Variants in ZSCAN21 observed in about 807,000 individuals in gnomAD.
ZSCAN21 encodes zinc finger and SCAN domain-containing protein 21.
A neutral mutation model predicts 35.6 loss-of-function variants in ZSCAN21; 26 were observed. That is an observed-to-expected ratio of 0.73 (90% confidence interval 0.54 to 1.01). The LOEUF is 1.01. ZSCAN21 is among the 50% of genes least tolerant of loss of function. The pLI, the probability that ZSCAN21 is intolerant of heterozygous loss-of-function variation, is 0.00. For missense variants in ZSCAN21, 593 were observed against 587.1 expected, an observed-to-expected ratio of 1.01 and a Z score of -0.10; for synonymous variants, 219 against 219.3, an observed-to-expected ratio of 1.00 and a Z score of 0.01.
chr7:100,061,537 T>G (rs1792289400), intron 3 of ZSCAN21, among the ~76,000 whole-genome samples: 4 of 152,072 alleles, frequency 2.6e-5, no homozygotes, highest in Admixed American at 2.0e-4. Context: ...AAAACAAAGT[T>G]TATGAGGTTA....
At chr7:100,062,281 CTTTTT>C (rs921079005) in intron 3 of ZSCAN21, among the ~76,000 whole-genome samples, 7 of 96,646 alleles carry the variant, frequency 7.2e-5, no homozygotes, top group Non-Finnish European at 1.5e-4. Flanking sequence ...CTCAACTGTT[CTTTTT>C]TTTTTTTTTT....
At chr7:100,060,275 T>C (rs1792233119) in intron 3 of ZSCAN21, among the ~76,000 whole-genome samples, 2 of 150,988 alleles carry the variant, frequency 1.3e-5, no homozygotes, top group African/African-American at 2.4e-5. Context: ...GCGGAAAGAG[T>C]TGGAGAGGGC....
At chr7:100,054,108 A>C (rs1453612107) in intron 1 of ZSCAN21, among the ~76,000 whole-genome samples, 2 of 151,998 alleles carry the variant, frequency 1.3e-5, no homozygotes, top group African/African-American at 4.8e-5. Flanking sequence ...TTAGTAGGTG[A>C]GATGACGTTG....
At chr7:100,050,190 T>C (rs1449501579) in intron 1 of ZSCAN21, among the ~76,000 whole-genome samples, 2 of 152,138 alleles carry the variant, frequency 1.3e-5, no homozygotes, top group Non-Finnish European at 2.9e-5. Flanking sequence ...TTCTCTGAAC[T>C]GGAGGTCCGA....
chr7:100,058,308 A>G (rs1307122836), intron 3 of ZSCAN21, among the ~76,000 whole-genome samples: 1 of 152,182 alleles, frequency 6.6e-6, no homozygotes, highest in East Asian at 1.9e-4. Flanking sequence ...GGTAAGAGCT[A>G]TAGTCATGGA....
chr7:100,050,322 C>A (rs899309796), intron 1 of ZSCAN21, among the ~76,000 whole-genome samples: 13 of 152,042 alleles, frequency 8.6e-5, no homozygotes, highest in African/African-American at 3.1e-4. Context: ...GGGCTTTGTT[C>A]GGGCTAGAAC....
At chr7:100,053,545 A>ACATACATACATACATAC (rs1554357976) in intron 1 of ZSCAN21, among the ~76,000 whole-genome samples, 1 of 130,380 alleles carries the variant, frequency 7.7e-6, no homozygotes, top group Non-Finnish European at 1.6e-5. Flanking sequence ...ATACATACAT[A>ACATACATACATACATAC]ATTTTTTTTT....
chr7:100,064,563 G>A lies in ZSCAN21; in HGVS notation c.1368G>A (p.Lys456=). Residue 456 remains lysine (K), a synonymous_variant, in exon 4 of 4, where the codon AAG becomes AAA. Coordinates refer to ENST00000292450, the MANE Select transcript of ZSCAN21 (RefSeq NM_145914.3). ...CHHCGKTFCS[K]SNLSKHQRVH... is the part of the protein sequence containing the mutation. Reference sequence around the variant, plus strand: ...ACTGTGGAAAGACCTTCTGTAGCAAGTCCAATCTTTCCAAACATCAGCGAG... The same window carrying A: ...ACTGTGGAAAGACCTTCTGTAGCAAATCCAATCTTTCCAAACATCAGCGAG... 1 of 1,614,210 alleles carries A rather than the reference G, an allele frequency of 6.2e-7. No individual in the cohort carries two copies. The highest frequency in any genetic ancestry group is 2.2e-5 in the East Asian group (1 of 44,896).
intron 3 of ZSCAN21, among the ~76,000 whole-genome samples, chr7:100,062,014 A>T (rs1348577388): frequency 6.6e-6 from 1 of 152,350 alleles, no homozygotes; most frequent in East Asian, 1.9e-4. Context: ...CTGAATTACA[A>T]GATGTAGCCA....
intron 3 of ZSCAN21, among the ~76,000 whole-genome samples, chr7:100,062,882 TAAATA>T (rs1221150579): frequency 1.3e-5 from 2 of 151,992 alleles, no homozygotes; most frequent in Non-Finnish European, 2.9e-5. Flanking sequence ...TCAAAATAAA[TAAATA>T]AAATAAATAT....
In ZSCAN21 at chr7:100,055,149, T is replaced by A. The variant is rs1483375712; in HGVS notation, c.-96-1762T>A. On this transcript the variant is annotated intron_variant, in intron 1 of 3. Coordinates refer to ENST00000292450, the MANE Select transcript of ZSCAN21 (RefSeq NM_145914.3). ...TTTTGTATTTTTAGTAGAGACAGGG[T>A]TTCACCATGTTGGCCAGGCTGGTCT... Among the ~76,000 whole-genome samples the A allele has an allele frequency of 2.6e-5, 4 of 151,806 alleles. No individual in the cohort carries two copies. The East Asian group carries it at 7.8e-4, about 30-fold the overall frequency.
intron 1 of ZSCAN21, among the ~76,000 whole-genome samples, chr7:100,054,838 CAA>C (rs375324113): frequency 9.5e-5 from 6 of 63,040 alleles, no homozygotes; most frequent in Admixed American, 3.6e-4. Flanking sequence ...GACGCTGTCT[CAA>C]AAAAAAAAAA....
rs79902438 is a variant in ZSCAN21, at chr7:100,063,810, C to G, written c.615C>G (p.His205Gln). 1.9e-6 allele frequency: 3 copies of G among 1,610,698 alleles called. No individual in the cohort carries two copies. The highest frequency in any genetic ancestry group is 2.5e-6 in the Non-Finnish European group (3 of 1,178,836). ...CAGATTGCAGATTGAGTACCCAGCA[C>G]GAGGAATCAGCAGATGAGCAGAAAG... is the stretch of plus-strand genomic sequence containing the variant. ...KVRDCRLSTQ[H>Q]EESADEQKGS... Residue 205 changes from histidine (H) to glutamine (Q), a missense_variant, in exon 4 of 4, where the codon CAC becomes CAG. By Grantham distance (24) the His-to-Gln change is conservative. Transcript: ENST00000292450.
At chr7:100,049,999 C>T (rs1213616759) in intron 1 of ZSCAN21, among the ~76,000 whole-genome samples, 158 bp downstream of exon 1, 2 of 152,196 alleles carry the variant, frequency 1.3e-5, no homozygotes, top group Non-Finnish European at 2.9e-5. Flanking sequence ...CGTCCCCGCC[C>T]AGGACCAGCT....
At chr7:100,060,245 T>G (rs967446444) in intron 3 of ZSCAN21, among the ~76,000 whole-genome samples, 3 of 151,988 alleles carry the variant, frequency 2.0e-5, no homozygotes, top group African/African-American at 7.3e-5. Context: ...AGTGTATGTT[T>G]AATAGCTGTT....
chr7:100,062,281 CTTTT>C (rs921079005), intron 3 of ZSCAN21, among the ~76,000 whole-genome samples: 2 of 96,622 alleles, frequency 2.1e-5, no homozygotes, highest in African/African-American at 7.6e-5. Context: ...CTCAACTGTT[CTTTT>C]TTTTTTTTTT....
rs1164734568 is a variant in ZSCAN21, at chr7:100,051,282, C to CTT, written c.-97+1469_-97+1470dup. On this transcript the variant is annotated intron_variant, in intron 1 of 3. Coordinates refer to ENST00000292450, the MANE Select transcript of ZSCAN21 (RefSeq NM_145914.3). The stretch of plus-strand genomic sequence containing the variant: ...GGCTGCCTAGGGATCTAGGGATTTT[C>CTT]TTTTTTTTTTTTTTTTTTTTTTTTT... 6.6e-4 allele frequency among the ~76,000 whole-genome samples: 23 copies of CTT among 34,962 alleles called. 4 individuals are homozygous for CTT. Among genetic ancestry groups the CTT allele is most frequent in the East Asian group, 5.1e-3 (5 of 980 alleles). 22.9% of individuals were successfully genotyped at this position (34,962 alleles called of 152,430 possible).
At position 100,059,731 on chromosome 7, in the gene ZSCAN21, CAG is replaced by C. The variant is rs1054841662; in HGVS notation, c.592+1844_592+1845del. On this transcript the variant is annotated intron_variant, in intron 3 of 3. Transcript: ENST00000292450. The stretch of plus-strand genomic sequence containing the variant: ...CCACGCCCAGCTCTTTTTAAAAAAA[CAG>C]AGTTTCGGTCTTGTTGCCCAGGCTG... 3.3e-5 allele frequency among the ~76,000 whole-genome samples: 5 copies of C among 149,864 alleles called. No homozygotes were observed. In the South Asian group the frequency reaches 8.5e-4, roughly 26 times the overall value.
At chr7:100,051,976 GC>G (rs1328793384) in intron 1 of ZSCAN21, among the ~76,000 whole-genome samples, 2 of 152,018 alleles carry the variant, frequency 1.3e-5, no homozygotes, top group African/African-American at 4.8e-5. Flanking sequence ...TGTCACCCAG[GC>G]TGGAGCACAG....
Sources: allele counts gnomAD v4.1 joint callset (sites outside exome capture counted in the v4.1 genomes callset), GRCh38; gene constraint gnomAD v4.1.1; transcripts MANE v1.5; gene names NCBI Gene and HGNC (gene_info 2026-07-23, HGNC 2026-07-21).